Variants in SPOCK3 observed in about 807,000 individuals in gnomAD.
SPOCK3 encodes the protein SPARC (osteonectin), cwcv and kazal like domains proteoglycan 3.
Under a neutral mutation model 56.6 loss-of-function variants are expected in SPOCK3, and 30 were observed. That is an observed-to-expected ratio of 0.53 (90% CI 0.40 to 0.72). The LOEUF is 0.72. Ranked by LOEUF, SPOCK3 falls within the 30% of genes least tolerant of loss-of-function variation. The pLI is 0.00. For missense variants in SPOCK3, 527 were observed against 530.0 expected (o/e 0.99, Z 0.06); for synonymous variants, 196 against 183.3 (o/e 1.07, Z -0.56).
intron 4 of SPOCK3, among the ~76,000 whole-genome samples, chr4:166,947,064 A>T (rs1741853254): frequency 6.6e-6 from 1 of 152,196 alleles, no homozygotes; most frequent in African/African-American, 2.4e-5. Context: ...CATAACGACC[A>T]AATTTTAGGC....
Position 166,762,260 on chromosome 4 carries a change from C to G in SPOCK3, c.710-7531G>C, listed in dbSNP as rs936337948. ...AAAATGTAGATTAGGTCCCTATTAC[C>G]TTGAAGCAAATTTTTAAAATAGTAT... is the stretch of plus-strand genomic sequence containing the variant. On this transcript the variant is annotated intron_variant, in intron 7 of 10. Coordinates refer to ENST00000357545, the MANE Select transcript of SPOCK3 (RefSeq NM_001040159.2). Among the ~76,000 whole-genome samples the G allele has an allele frequency of 4.6e-5, 7 of 152,092 alleles. No homozygotes were observed. The East Asian group carries it at 1.2e-3, about 25-fold the overall frequency.
At chr4:167,044,004 A>G (rs1753481446) in intron 3 of SPOCK3, among the ~76,000 whole-genome samples, 2 of 152,008 alleles carry the variant, frequency 1.3e-5, no homozygotes, top group African/African-American at 4.8e-5. Flanking sequence ...CTTCTAAAAA[A>G]TTGCGGAGAA....
intron 2 of SPOCK3, among the ~76,000 whole-genome samples, chr4:167,196,488 A>C (rs375588565): frequency 1.8e-4 from 28 of 152,178 alleles, no homozygotes; most frequent in African/African-American, 6.3e-4. Context: ...CAAGGTGTCA[A>C]CCAGCTGCAT....
intron 2 of SPOCK3, among the ~76,000 whole-genome samples, chr4:167,085,930 C>G (rs1405484214): frequency 6.6e-6 from 1 of 151,902 alleles, no homozygotes; most frequent in Admixed American, 6.6e-5. Flanking sequence ...AATAAACATC[C>G]ATTGTTGGGA....
chr4:167,099,476 A>G (rs1002278789), intron 2 of SPOCK3, among the ~76,000 whole-genome samples: 6 of 151,950 alleles, frequency 3.9e-5, no homozygotes, highest in Non-Finnish European at 8.8e-5. Flanking sequence ...GATCAGAGGT[A>G]CGTGAAATTT....
chr4:166,982,162 T>A (rs1237233250), intron 4 of SPOCK3, among the ~76,000 whole-genome samples: 1 of 152,126 alleles, frequency 6.6e-6, no homozygotes, highest in East Asian at 1.9e-4. Flanking sequence ...TCTGGCTCCA[T>A]GGAGCATGTG....
At chr4:167,218,182 C>T (rs7687091) in intron 2 of SPOCK3, among the ~76,000 whole-genome samples, 36,902 of 151,976 alleles carry the variant, frequency 0.24, 5,275 homozygotes, top group African/African-American at 0.39. Flanking sequence ...CAGGGGCACA[C>T]AGGCTGAACA....
chr4:167,139,215 G>T (rs558533341), intron 2 of SPOCK3, among the ~76,000 whole-genome samples: 1 of 152,072 alleles, frequency 6.6e-6, no homozygotes, highest in Non-Finnish European at 1.5e-5. Flanking sequence ...AAGAAGCTGA[G>T]CATATAAATG....
chr4:166,793,535 T>C (rs1324520727), intron 6 of SPOCK3, among the ~76,000 whole-genome samples: 2 of 152,218 alleles, frequency 1.3e-5, no homozygotes, highest in African/African-American at 4.8e-5. Flanking sequence ...CTGGGCCACA[T>C]GTGGCCTGTG....
rs556293036 is a variant in SPOCK3 at position 167,170,463 on chromosome 4, A to G, written c.189+63522T>C. On this transcript the variant is annotated intron_variant, in intron 2 of 10. Transcript: ENST00000357545. ...CTAAGCAGAGATAATGATGAGAGCT[A>G]ACATTTATTGAGCAATTTGAATGGG... Among the ~76,000 whole-genome samples, 10 of 152,354 alleles carry G rather than the reference A, an allele frequency of 6.6e-5. No individual in the cohort carries two copies. In the East Asian group the frequency reaches 1.9e-3, roughly 29 times the overall value.
At chr4:166,872,204 T>C (rs1280299929) in intron 6 of SPOCK3, among the ~76,000 whole-genome samples, 1 of 151,880 alleles carries the variant, frequency 6.6e-6, no homozygotes, top group Middle Eastern at 3.2e-3. Flanking sequence ...AGTAGTGTAA[T>C]AAGACAAGAA....
intron 2 of SPOCK3, among the ~76,000 whole-genome samples, chr4:167,070,044 AG>A (rs1372841614): frequency 2.0e-5 from 3 of 151,942 alleles, no homozygotes; most frequent in African/African-American, 7.2e-5. Flanking sequence ...CTCGCTTGAA[AG>A]CAACAACCAT....
intron 3 of SPOCK3, among the ~76,000 whole-genome samples, chr4:167,049,799 T>C (rs1443376827): frequency 3.9e-5 from 6 of 152,156 alleles, no homozygotes; most frequent in Non-Finnish European, 8.8e-5. Flanking sequence ...ATTCTATATA[T>C]GATTCAACAA....
chr4:167,006,156 G>A (rs1472940604), intron 3 of SPOCK3, among the ~76,000 whole-genome samples: 1 of 152,114 alleles, frequency 6.6e-6, no homozygotes, highest in African/African-American at 2.4e-5. Flanking sequence ...TCTGAAACAT[G>A]TTAGCATCTC....
At chr4:166,896,183 C>A (rs1489019101) in intron 5 of SPOCK3, among the ~76,000 whole-genome samples, 2 of 152,006 alleles carry the variant, frequency 1.3e-5, no homozygotes, top group Non-Finnish European at 2.9e-5. Flanking sequence ...AGGGGAGAAC[C>A]CTACACACTT....
At chr4:166,871,078 G>T (rs1353019623) in intron 6 of SPOCK3, among the ~76,000 whole-genome samples, 3 of 151,940 alleles carry the variant, frequency 2.0e-5, no homozygotes, top group Non-Finnish European at 4.4e-5. Context: ...CCTCTTTCTT[G>T]TATAAATTAC....
At chr4:166,990,933 T>A (rs1747716421) in intron 4 of SPOCK3, among the ~76,000 whole-genome samples, 1 of 152,088 alleles carries the variant, frequency 6.6e-6, no homozygotes, top group South Asian at 2.1e-4. Flanking sequence ...AACAGAAATA[T>A]GTAAAGGACT....
At chr4:166,813,894 G>A (rs1744105752) in intron 6 of SPOCK3, among the ~76,000 whole-genome samples, 1 of 152,030 alleles carries the variant, frequency 6.6e-6, no homozygotes, top group South Asian at 2.1e-4. Context: ...AGGAGGATAA[G>A]GCATTGGTTT....
chr4:166,861,737 TTC>T (rs767360728), intron 6 of SPOCK3, among the ~76,000 whole-genome samples: 3 of 152,064 alleles, frequency 2.0e-5, no homozygotes, highest in Non-Finnish European at 4.4e-5. Context: ...GATTAGACAT[TTC>T]CTTTTCTGAT....
Sources: allele counts gnomAD v4.1 joint callset (sites outside exome capture counted in the v4.1 genomes callset), GRCh38; gene constraint gnomAD v4.1.1; transcripts MANE v1.5; gene names NCBI Gene and HGNC (gene_info 2026-07-23, HGNC 2026-07-21).